Variants in TMC8 observed in about 807,000 individuals in gnomAD.
TMC8 encodes transmembrane channel like 8.
A neutral mutation model predicts 76.0 loss-of-function variants in TMC8; 71 were observed. The ratio of observed to expected loss-of-function variants is 0.93; its 90% CI spans 0.77 to 1.14. The LOEUF (loss-of-function observed/expected upper bound fraction) is 1.14. TMC8 is among the 50% of genes most tolerant of loss of function. The pLI is 0.00. For missense variants in TMC8, 924 were observed against 947.9 expected (o/e 0.97, Z 0.33); for synonymous variants, 433 against 433.8 (o/e 1.00, Z 0.02).
At chr17:78,134,040 G>C in intron 7 of TMC8, 40 bp downstream of exon 7, 1 of 1,613,334 alleles carries the variant, frequency 6.2e-7, no homozygotes. Context: ...ACAAGCTCCA[G>C]GTATATGGGA....
chr17:78,132,153 C>T (rs555916648), intron 3 of TMC8, 123 bp downstream of exon 3: 6 of 1,453,108 alleles, frequency 4.1e-6, no homozygotes, highest in South Asian at 2.5e-5. Flanking sequence ...ATCGGCCCCT[C>T]CCCCCTCCCA....
chr17:78,139,082 TGAGGTGGG>T (rs2075309230), intron 14 of TMC8, 72 bp from the exon 15 acceptor site: 1 of 1,593,094 alleles, frequency 6.3e-7, no homozygotes, highest in African/African-American at 1.3e-5. Flanking sequence ...TTGTAGAGAT[TGAGGTGGG>T]GAGAGAGGAA....
Position 78,138,702 on chromosome 17 carries a change from C to A in TMC8, c.1793C>A (p.Ala598Asp), listed in dbSNP as rs137975524. ...QRALHYLGSH[A>D]FSFPLLIMLS... is the part of the protein sequence containing the mutation. Reference sequence around the variant, plus strand: ...GCCCTCCACTACCTGGGCTCCCACGCCTTCAGCTTCCCCCTCCTCATCATG... The same window carrying A: ...GCCCTCCACTACCTGGGCTCCCACGACTTCAGCTTCCCCCTCCTCATCATG... Residue 598 changes from alanine (A) to aspartate (D), a missense_variant, in exon 14 of 16, where the codon GCC (alanine) becomes GAC (aspartate). Transcript: ENST00000318430. The A allele has an allele frequency of 1.2e-6, 2 of 1,611,422 alleles. No individual in the cohort carries two copies. The highest frequency in any genetic ancestry group is 1.7e-4 in the Middle Eastern group (1 of 6,060).
At position 78,134,910 on chromosome 17, in the gene TMC8, T is replaced by TC; in HGVS notation, c.1029dup (p.Ile344HisfsTer64). 6.2e-7 allele frequency: 1 copy of TC among 1,614,034 alleles called. No homozygotes were observed. The highest frequency in any genetic ancestry group is 8.5e-7 in the Non-Finnish European group (1 of 1,179,980). On this transcript the variant is annotated frameshift_variant, in exon 9 of 16. Transcript: ENST00000318430. LOFTEE classifies it high-confidence loss of function. The stretch of plus-strand genomic sequence containing the variant: ...CTGCTCCAGTACCTGCCCCCTGGGG[T>TC]CATCGCCCTGGTCAACTTCCTGGGT...
Position 78,131,580 on chromosome 17 carries a change from C to A in TMC8, c.-9C>A. On this transcript the variant is annotated 5_prime_UTR_variant, in exon 2 of 16. Coordinates refer to ENST00000318430, the MANE Select transcript of TMC8 (RefSeq NM_152468.5). Reference sequence around the variant, plus strand: ...CCCGGCGCCCCAGCCTCTACCCGTGCCCGCCGAGATGCTGCTGCCGCGGTC... The same window carrying A: ...CCCGGCGCCCCAGCCTCTACCCGTGACCGCCGAGATGCTGCTGCCGCGGTC... The A allele has an allele frequency of 1.3e-6, 2 of 1,543,536 alleles. No individual in the cohort carries two copies. Among genetic ancestry groups the A allele is most frequent in the Non-Finnish European group, 1.7e-6 (2 of 1,146,584 alleles).
intron 5 of TMC8, 28 bp downstream of exon 5, chr17:78,132,898 C>A: frequency 6.2e-7 from 1 of 1,611,996 alleles, no homozygotes; most frequent in South Asian, 1.1e-5. Flanking sequence ...CGGCTATGGT[C>A]CAGAGTCTGG....
At chr17:78,137,976 T>G in intron 11 of TMC8, 29 bp from the exon 12 acceptor site, 1 of 1,612,924 alleles carries the variant, frequency 6.2e-7, no homozygotes, top group Non-Finnish European at 8.5e-7. Flanking sequence ...TCTGGAGTGG[T>G]GAGTACCTGG....
In TMC8 at chr17:78,140,845, G is replaced by GA; in HGVS notation, c.1916dup (p.Trp640ValfsTer171). ...TGTTCTCCTCACAGCAGGTTCAGGA[G>GA]AAGTGGCACCTGGTGGAGGACCTGT... On this transcript the variant is annotated frameshift_variant, in exon 16 of 16. Coordinates refer to ENST00000318430, the MANE Select transcript of TMC8 (RefSeq NM_152468.5). LOFTEE classifies it low-confidence loss of function (END_TRUNC). 1 of 1,608,966 alleles carries GA rather than the reference G, an allele frequency of 6.2e-7. No homozygotes were observed. The highest frequency in any genetic ancestry group is 8.5e-7 in the Non-Finnish European group (1 of 1,178,450).
intron 14 of TMC8, 165 bp from the exon 15 acceptor site, chr17:78,138,997 G>C (rs766428846): frequency 6.4e-7 from 1 of 1,550,702 alleles, no homozygotes; most frequent in Non-Finnish European, 8.7e-7. Context: ...GGGATGAGGG[G>C]CTCTGCGAGG....
At position 78,131,721 on chromosome 17, in the gene TMC8, G is replaced by C. The variant is rs779552203; in HGVS notation, c.133G>C (p.Asp45His). ...PVRGLPYAMM[D>H]KRLIWQLREP... is the part of the protein sequence containing the mutation. ...GCGCGGGCTGCCCTATGCCATGATG[G>C]ACAAGCGCCTCATCTGGTGGGTGCC... The change falls in exon 2 of 16, where the codon GAC becomes CAC. Residue 45 changes from aspartate to histidine, a missense_variant. By Grantham distance (81) the Asp-to-His change is moderately conservative. Coordinates refer to ENST00000318430, the MANE Select transcript of TMC8 (RefSeq NM_152468.5). 32 of 1,584,790 alleles carry C rather than the reference G, an allele frequency of 2.0e-5. No homozygotes were observed. The Admixed American group carries it at 5.6e-4, about 28-fold the overall frequency.
chr17:78,139,177 G>A lies in TMC8; in HGVS notation c.1839G>A (p.Val613=), dbSNP rs749714289. ...LLIMLSLVLT[V]CVSQTQANAR... ...CCCACCCAAGCCTTGTCCTGACGGT[G>A]TGCGTCTCCCAGACCCAGGCCAATG... Residue 613 remains valine (V), a synonymous_variant, in exon 15 of 16, where the codon GTG becomes GTA. Coordinates refer to ENST00000318430, the MANE Select transcript of TMC8 (RefSeq NM_152468.5). 4 of 1,613,622 alleles carry A rather than the reference G, an allele frequency of 2.5e-6. No homozygotes were observed. Among genetic ancestry groups the A allele is most frequent in the African/African-American group, 2.7e-5 (2 of 74,948 alleles).
rs1256537732 is a variant in TMC8 at position 78,132,008 on chromosome 17, G to A, written c.276G>A (p.Glu92=). ...TGGCCCGGGGCCTTGGGCTCTGGGAGGGGGCGCTCTACGAGATCGGGGGTA... is the reference window on the plus strand; with the variant it reads ...TGGCCCGGGGCCTTGGGCTCTGGGAAGGGGCGCTCTACGAGATCGGGGGTA... ...QRLARGLGLW[E]GALYEIGGLF... is the part of the protein sequence containing the mutation. The change falls in exon 3 of 16, where the codon GAG becomes GAA. Residue 92 remains glutamate (E), a synonymous_variant. Transcript: ENST00000318430. The A allele has an allele frequency of 1.3e-6, 2 of 1,532,550 alleles. No homozygotes were observed. Among genetic ancestry groups the A allele is most frequent in the Non-Finnish European group, 1.7e-6 (2 of 1,145,404 alleles). 94.9% of individuals were successfully genotyped at this position (1,532,550 alleles called of 1,614,324 possible). A position where few individuals can be genotyped will look rare whatever the true frequency, so the allele number is the denominator to read the frequency against.
chr17:78,134,041 G>A (rs1215158758), intron 7 of TMC8, 41 bp downstream of exon 7: 1 of 1,613,292 alleles, frequency 6.2e-7, no homozygotes, highest in East Asian at 2.2e-5. Flanking sequence ...CAAGCTCCAG[G>A]TATATGGGAG....
In TMC8 at chr17:78,141,119, C is replaced by A. The variant is rs753988232; in HGVS notation, c.*7C>A. On this transcript the variant is annotated 3_prime_UTR_variant, in exon 16 of 16. Transcript: ENST00000318430. Reference sequence around the variant, plus strand: ...CAGCGGCGCGGAGCTGTAACCCCTACCCCTGCCTCCCCGAAGCCTCCCTGG... The same window carrying A: ...CAGCGGCGCGGAGCTGTAACCCCTAACCCTGCCTCCCCGAAGCCTCCCTGG... 25 of 1,537,904 alleles carry A rather than the reference C, an allele frequency of 1.6e-5. No individual in the cohort carries two copies. In the East Asian group the frequency reaches 5.5e-4, roughly 34 times the overall value.
rs1441114022 is a variant in TMC8 at position 78,132,398 on chromosome 17, T to A, written c.338T>A (p.Leu113His). ...GGAATTCGGTCCTACTTCACCTTCC[T>A]CCGCTTCCTGCTGCTACTCAACCTG... The part of the protein sequence containing the change: ...GTGIRSYFTF[L>H]RFLLLLNLLS... Residue 113 changes from leucine to histidine, a missense_variant, in exon 4 of 16, where the codon CTC becomes CAC. Transcript: ENST00000318430. 1 of 1,613,048 alleles carries A rather than the reference T, an allele frequency of 6.2e-7. No homozygotes were observed. Among genetic ancestry groups the A allele is most frequent in the Non-Finnish European group, 8.5e-7 (1 of 1,179,742 alleles).
intron 9 of TMC8, chr17:78,136,982 G>A: frequency 2.2e-6 from 1 of 463,926 alleles, no homozygotes; most frequent in Non-Finnish European, 4.0e-6. Context: ...CTGAACTCCT[G>A]CCTGGGTGAC....
At chr17:78,139,748 A>C (rs1032487988) in intron 15 of TMC8, among the ~76,000 whole-genome samples, 3 of 150,232 alleles carry the variant, frequency 2.0e-5, no homozygotes, top group Admixed American at 6.6e-5. Flanking sequence ...AAAAAAAAAA[A>C]AAAAACCGGG....
rs2074944579 is a variant in TMC8, at chr17:78,130,817, G to C, written c.-343G>C. The C allele has an allele frequency of 6.6e-6, 1 of 152,526 alleles. No homozygotes were observed. Among genetic ancestry groups the C allele is most frequent in the Non-Finnish European group, 1.5e-5 (1 of 68,232 alleles). 9.4% of individuals were successfully genotyped at this position (152,526 alleles called of 1,614,324 possible). On this transcript the variant is annotated 5_prime_UTR_variant, in exon 1 of 16. Transcript: ENST00000318430. ...GCTTGGCAGGAGTCGTCTGAGAAGGGGACTCCTCCAGGGACTTGGTCCCTA... is the reference window on the plus strand; with the variant it reads ...GCTTGGCAGGAGTCGTCTGAGAAGGCGACTCCTCCAGGGACTTGGTCCCTA...
chr17:78,132,260 C>G (rs1217567815), intron 3 of TMC8, 99 bp from the exon 4 acceptor site: 1 of 1,479,622 alleles, frequency 6.8e-7, no homozygotes, highest in Non-Finnish European at 9.3e-7. Context: ...GGGAGCCTGG[C>G]GGGCACCCCA....
Sources: allele counts gnomAD v4.1 joint callset (sites outside exome capture counted in the v4.1 genomes callset), GRCh38; gene constraint gnomAD v4.1.1; transcripts MANE v1.5; gene names NCBI Gene and HGNC (gene_info 2026-07-23, HGNC 2026-07-21).